Variants in SOX6 observed in about 807,000 individuals in gnomAD.
SOX6 encodes transcription factor SOX-6.
Under a neutral mutation model 97.8 loss-of-function variants are expected in SOX6, and 11 were observed. The observed-to-expected ratio is 0.11, with a 90% CI of 0.07 to 0.19. The LOEUF is 0.19. SOX6 is among the 10% of genes least tolerant of loss of function. The pLI, the probability that SOX6 is intolerant of heterozygous loss-of-function variation, is 1.00. For synonymous variants in SOX6, 360 were observed against 371.4 expected (o/e 0.97, Z 0.35); for missense variants, 810 against 1,039.5 (o/e 0.78, Z 3.04).
intron 3 of SOX6, among the ~76,000 whole-genome samples, chr11:16,712,595 G>A (rs1233950032): frequency 6.6e-6 from 1 of 151,928 alleles, no homozygotes; most frequent in Non-Finnish European, 1.5e-5. Flanking sequence ...AACACACTAA[G>A]CTCTTTTCAG....
chr11:16,653,168 G>T (rs1172676958), intron 3 of SOX6, among the ~76,000 whole-genome samples: 1 of 152,192 alleles, frequency 6.6e-6, no homozygotes, highest in East Asian at 1.9e-4. Flanking sequence ...CACTGCTGGT[G>T]GGAATGTAAA....
At chr11:16,540,768 T>C (rs1034607056) in intron 4 of SOX6, among the ~76,000 whole-genome samples, 3 of 152,220 alleles carry the variant, frequency 2.0e-5, no homozygotes, top group African/African-American at 4.8e-5. Context: ...TTACAAGGGA[T>C]GTGAAGGACC....
At chr11:16,267,498 T>G (rs1329606588) in intron 3 of SOX6, among the ~76,000 whole-genome samples, 2 of 151,584 alleles carry the variant, frequency 1.3e-5, no homozygotes, top group Non-Finnish European at 3.0e-5. Flanking sequence ...GGAGATATCA[T>G]TGCACACCTG....
chr11:16,033,020 T>C (rs761389772), intron 12 of SOX6, among the ~76,000 whole-genome samples: 14 of 152,286 alleles, frequency 9.2e-5, no homozygotes, highest in South Asian at 4.1e-4. Context: ...AGACCCTCTA[T>C]TGTCTGGTTC....
intron 12 of SOX6, among the ~76,000 whole-genome samples, chr11:16,026,866 G>A (rs1229394837): frequency 6.6e-6 from 1 of 152,074 alleles, no homozygotes; most frequent in Non-Finnish European, 1.5e-5. Flanking sequence ...TTTTTAAAAT[G>A]AGTTTAAAAG....
chr11:16,136,845 T>C (rs989771569), intron 6 of SOX6, among the ~76,000 whole-genome samples: 2 of 152,188 alleles, frequency 1.3e-5, no homozygotes, highest in African/African-American at 2.4e-5. Context: ...GTCCCTGAGG[T>C]ATGCCTACAT....
intron 3 of SOX6, among the ~76,000 whole-genome samples, chr11:16,644,869 C>G (rs1275776165): frequency 6.6e-6 from 1 of 152,100 alleles, no homozygotes; most frequent in Non-Finnish European, 1.5e-5. Flanking sequence ...TTTTCATTGG[C>G]AAAATTTTGT....
intron 1 of SOX6, among the ~76,000 whole-genome samples, chr11:16,388,067 T>C (rs1017589626): frequency 3.9e-5 from 6 of 152,196 alleles, no homozygotes; most frequent in African/African-American, 1.4e-4. Flanking sequence ...ATGATGTTAG[T>C]TGTAGGTTTT....
intron 4 of SOX6, among the ~76,000 whole-genome samples, chr11:16,199,481 G>A (rs1380478099): frequency 6.6e-6 from 1 of 152,148 alleles, no homozygotes; most frequent in Non-Finnish European, 1.5e-5. Context: ...TCCTAAGCCA[G>A]TTGGTCTGAA....
chr11:15,996,952 T>C (rs1395524721), intron 13 of SOX6, among the ~76,000 whole-genome samples: 1 of 152,016 alleles, frequency 6.6e-6, no homozygotes, highest in Non-Finnish European at 1.5e-5. Flanking sequence ...AGGTTAGAAA[T>C]TTGAAAAGTA....
intron 12 of SOX6, among the ~76,000 whole-genome samples, chr11:16,044,966 G>GTCTA (rs67426027): frequency 0.055 from 8,253 of 151,246 alleles, 573 homozygotes; most frequent in East Asian, 0.36. Flanking sequence ...CTGTCTATCT[G>GTCTA]TCTATCTATC....
chr11:16,075,346 G>A (rs1275257649), intron 9 of SOX6, among the ~76,000 whole-genome samples: 5 of 152,178 alleles, frequency 3.3e-5, no homozygotes, highest in Non-Finnish European at 7.4e-5. Context: ...GCAGGCAAAA[G>A]AGTGTGCGCA....
intron 3 of SOX6, among the ~76,000 whole-genome samples, chr11:16,681,408 G>A (rs900335437): frequency 5.9e-5 from 9 of 151,984 alleles, no homozygotes; most frequent in South Asian, 2.1e-4. Context: ...TCTTTGAAAC[G>A]AATTAGAACA....
intron 4 of SOX6, among the ~76,000 whole-genome samples, chr11:16,551,613 TA>T (rs1402813265): frequency 5.3e-5 from 8 of 151,950 alleles, no homozygotes; most frequent in Non-Finnish European, 7.4e-5. Context: ...AAAATATATA[TA>T]TTTTTTTGAG....
At chr11:16,566,064 C>A (rs894602644) in intron 4 of SOX6, among the ~76,000 whole-genome samples, 1 of 148,536 alleles carries the variant, frequency 6.7e-6, no homozygotes, top group African/African-American at 2.5e-5. Flanking sequence ...CCACTGCACT[C>A]CAGCCTAGGT....
rs1853241812 is a variant in SOX6, at chr11:15,969,479, T to C, written c.*3330A>G. On this transcript the variant is annotated 3_prime_UTR_variant, in exon 16 of 16. Coordinates refer to ENST00000683767, the MANE Select transcript of SOX6 (RefSeq NM_001367873.1). ...GGGAAATGTCTGGATCTGTGGACAG[T>C]GGGTTCTGAACTGCATGAGAACCCT... 6.6e-6 allele frequency: 1 copy of C among 152,176 alleles called. No homozygotes were observed. Among genetic ancestry groups the C allele is most frequent in the Non-Finnish European group, 1.5e-5 (1 of 68,034 alleles). The allele number at this position is 152,176 out of a possible 1,614,324, so 9.4% of individuals were successfully genotyped here.
At position 16,467,422 on chromosome 11, in the gene SOX6, T is replaced by C. The variant is rs532587067; in HGVS notation, c.-5+8893A>G. Among the ~76,000 whole-genome samples the C allele has an allele frequency of 5.9e-5, 9 of 152,262 alleles. No individual in the cohort carries two copies. The East Asian group carries it at 1.5e-3, about 26-fold the overall frequency. ...TCAACGATAGACTGAATAAATAAAA[T>C]GTGGTACATACACACTATGGAATAC... is the stretch of plus-strand genomic sequence containing the variant. On this transcript the variant is annotated intron_variant, in intron 1 of 15. Transcript: ENST00000396356.
intron 2 of SOX6, among the ~76,000 whole-genome samples, chr11:16,325,753 C>G (rs140435247): frequency 6.6e-6 from 1 of 152,158 alleles, no homozygotes; most frequent in East Asian, 1.9e-4. Flanking sequence ...GAATGTACGT[C>G]CCCCCATAAT....
rs554707330 is a variant in SOX6 at position 16,461,714 on chromosome 11, AT to A, written c.-5+14600del. On this transcript the variant is annotated intron_variant, in intron 1 of 15. Transcript: ENST00000396356. ...CCTCTTAAAGGGATATATATCTTAA[AT>A]TTTTTGAACCTCCTAGAGTAGTATT... Among the ~76,000 whole-genome samples the A allele has an allele frequency of 1.9e-4, 29 of 152,224 alleles. 1 individual carries two copies. The South Asian group carries it at 5.8e-3, about 30-fold the overall frequency.
Sources: gnomAD v4.1 joint callset for allele counts (sites outside exome capture counted in the v4.1 genomes callset) on GRCh38, gnomAD v4.1.1 for gene constraint, MANE v1.5 for transcripts, NCBI Gene and HGNC (gene_info 2026-07-23, HGNC 2026-07-21) for gene names.